Variants in SLC4A5 observed in about 807,000 individuals in gnomAD.
SLC4A5 encodes the protein electrogenic sodium bicarbonate cotransporter 4.
SLC4A5 carries 96 observed loss-of-function variants against 120.4 expected under a neutral mutation model. That is an observed-to-expected ratio of 0.80 (90% CI 0.68 to 0.94). The LOEUF (loss-of-function observed/expected upper bound fraction) is 0.94. Ranked by LOEUF, SLC4A5 falls within the 40% of genes least tolerant of loss-of-function variation. The pLI is 0.00. For synonymous variants in SLC4A5, 550 were observed against 571.1 expected, an observed-to-expected ratio of 0.96 and a Z score of 0.53; for missense variants, 1,259 against 1,459.5, an observed-to-expected ratio of 0.86 and a Z score of 2.24.
chr2:74,341,701 C>CT (rs1333885290), intron 2 of SLC4A5, among the ~76,000 whole-genome samples: 6 of 152,124 alleles, frequency 3.9e-5, no homozygotes, highest in African/African-American at 1.4e-4. Flanking sequence ...TTGACTCTTC[C>CT]TAAAAAAAGA....
intron 24 of SLC4A5, among the ~76,000 whole-genome samples, 200 bp from the exon 25 acceptor site, chr2:74,231,508 C>A (rs1337560520): frequency 6.6e-6 from 1 of 152,166 alleles, no homozygotes; most frequent in Non-Finnish European, 1.5e-5. Flanking sequence ...GGGGCAAGGG[C>A]ATCTTGCAGG....
chr2:74,301,478 G>A (rs1400097690), intron 7 of SLC4A5, among the ~76,000 whole-genome samples: 1 of 152,204 alleles, frequency 6.6e-6, no homozygotes, highest in Non-Finnish European at 1.5e-5. Context: ...GCTGGGCTAT[G>A]CAGCCAGACC....
chr2:74,233,689 T>C, intron 22 of SLC4A5, 126 bp from the exon 23 acceptor site: 1 of 1,110,858 alleles, frequency 9.0e-7, no homozygotes, highest in Admixed American at 2.8e-5. Context: ...TGCAATCTTT[T>C]CCCTTAAACA....
At chr2:74,295,928 T>G (rs746478577) in intron 7 of SLC4A5, among the ~76,000 whole-genome samples, 3 of 152,178 alleles carry the variant, frequency 2.0e-5, no homozygotes, top group Non-Finnish European at 4.4e-5. Flanking sequence ...TTCACAGACA[T>G]TTAAGCAAAG....
chr2:74,227,619 A>G (rs1006240761), intron 26 of SLC4A5, 191 bp downstream of exon 26: 3 of 1,379,814 alleles, frequency 2.2e-6, no homozygotes, highest in African/African-American at 2.9e-5. Flanking sequence ...TATGAGGCCT[A>G]TGAAGTGCCT....
intron 6 of SLC4A5, chr2:74,307,991 A>T: frequency 1.8e-6 from 1 of 554,910 alleles, no homozygotes; most frequent in African/African-American, 1.9e-5. Flanking sequence ...AGAAGGTGGA[A>T]CGAGTGGTGA....
rs564039591 is a variant in SLC4A5, at chr2:74,258,976, C to T, written c.867+612G>A. Among the ~76,000 whole-genome samples, 42 of 152,266 alleles carry T rather than the reference C, an allele frequency of 2.8e-4. No individual in the cohort carries two copies. In the South Asian group the frequency reaches 8.7e-3, roughly 32 times the overall value. On this transcript the variant is annotated intron_variant, in intron 12 of 30. Transcript: ENST00000394019. ...GATAGACAAGGGGACCATGGGGCCT[C>T]CTGTCCTTGAGGTATGCAGGAGTTG...
chr2:74,265,377 G>A, intron 8 of SLC4A5, 113 bp from the exon 9 acceptor site: 1 of 1,301,404 alleles, frequency 7.7e-7, no homozygotes, highest in Non-Finnish European at 1.1e-6. Context: ...TGTGGTTGTG[G>A]TGTTGGTCCC....
At chr2:74,236,987 T>TTC (rs1313909930) in intron 21 of SLC4A5, among the ~76,000 whole-genome samples, 1 of 151,574 alleles carries the variant, frequency 6.6e-6, no homozygotes, top group Non-Finnish European at 1.5e-5. Flanking sequence ...ATTTTTTTTT[T>TTC]TTTTTTTGAG....
intron 4 of SLC4A5, among the ~76,000 whole-genome samples, chr2:74,330,223 G>A (rs1673320664): frequency 6.6e-6 from 1 of 151,702 alleles, no homozygotes; most frequent in Non-Finnish European, 1.5e-5. Context: ...ATAGGTGAGG[G>A]TGGTGAGGTG....
intron 6 of SLC4A5, among the ~76,000 whole-genome samples, chr2:74,306,366 C>A (rs540673022): frequency 1.4e-4 from 21 of 152,306 alleles, no homozygotes; most frequent in Admixed American, 1.4e-3. Flanking sequence ...AAAACTTCTT[C>A]CCCAAACAGA....
At position 74,320,557 on chromosome 2, in the gene SLC4A5, A is replaced by G. The variant is rs1573101352; in HGVS notation, c.-2-5532T>C. Among the ~76,000 whole-genome samples, 3 of 152,208 alleles carry G rather than the reference A, an allele frequency of 2.0e-5. No individual in the cohort carries two copies. The South Asian group carries it at 6.2e-4, about 31-fold the overall frequency. ...AATTCCAGTCCCAATCAAGCTATCAATCAAGTGGGAGGGTAGAATAGGGGC... is the reference window on the plus strand; with the variant it reads ...AATTCCAGTCCCAATCAAGCTATCAGTCAAGTGGGAGGGTAGAATAGGGGC... On this transcript the variant is annotated intron_variant, in intron 5 of 30. Transcript: ENST00000394019.
At chr2:74,330,438 A>G (rs1427422872) in intron 4 of SLC4A5, among the ~76,000 whole-genome samples, 1,037 of 57,676 alleles carry the variant, frequency 0.018, no homozygotes, top group Middle Eastern at 0.037. Context: ...CTAGATGGAG[A>G]TGTGTGGTTT....
intron 28 of SLC4A5, among the ~76,000 whole-genome samples, chr2:74,223,956 G>GT (rs1694751856): frequency 6.6e-6 from 1 of 152,220 alleles, no homozygotes; most frequent in Non-Finnish European, 1.5e-5. Flanking sequence ...ATGCAGGGAC[G>GT]TGAGTTTGGG....
intron 7 of SLC4A5, among the ~76,000 whole-genome samples, chr2:74,301,003 A>T (rs1487762771): frequency 6.6e-6 from 1 of 152,158 alleles, no homozygotes; most frequent in African/African-American, 2.4e-5. Context: ...TGTATTTTTT[A>T]ACCAGGTACA....
At chr2:74,257,719 AGGCATGTGCCACCACGCCC>A (rs1446579797) in intron 12 of SLC4A5, among the ~76,000 whole-genome samples, 1 of 149,424 alleles carries the variant, frequency 6.7e-6, no homozygotes, top group Non-Finnish European at 1.5e-5. Context: ...CTGGGACTAC[AGGCATGTGCCACCACGCCC>A]GGCTAATTTT....
At chr2:74,274,645 T>G (rs141850926) in intron 8 of SLC4A5, among the ~76,000 whole-genome samples, 6 of 152,338 alleles carry the variant, frequency 3.9e-5, no homozygotes, top group Non-Finnish European at 7.3e-5. Flanking sequence ...CTCAGAAATT[T>G]TATCTTTTTA....
At chr2:74,313,797 G>A (rs1009982256) in intron 6 of SLC4A5, among the ~76,000 whole-genome samples, 5 of 152,126 alleles carry the variant, frequency 3.3e-5, no homozygotes, top group South Asian at 2.1e-4. Context: ...TAGCATATTT[G>A]GGTCTTCCAA....
At chr2:74,297,369 T>G (rs1426486820) in intron 7 of SLC4A5, among the ~76,000 whole-genome samples, 1 of 152,212 alleles carries the variant, frequency 6.6e-6, no homozygotes. Context: ...AGGACCGATC[T>G]GGTTTTAGCA....
Sources: allele counts gnomAD v4.1 joint callset (sites outside exome capture counted in the v4.1 genomes callset), GRCh38; gene constraint gnomAD v4.1.1; transcripts MANE v1.5; gene names NCBI Gene and HGNC (gene_info 2026-07-23, HGNC 2026-07-21).